Variants in PDZD2 observed in about 807,000 individuals in gnomAD.
PDZD2 encodes the protein PDZ domain containing 2, also known as PDZ domain-containing protein 2.
In PDZD2, 90 loss-of-function variants were observed where a neutral mutation model predicts 220.7. That is an observed-to-expected ratio of 0.41 (90% CI 0.34 to 0.49). PDZD2 has a LOEUF of 0.49. PDZD2 is among the 20% of genes least tolerant of loss of function. The probability of loss-of-function intolerance (pLI) is 0.28; values close to 1 mark genes in which losing one functional copy is unlikely to be tolerated. For synonymous variants in PDZD2, 1,375 were observed against 1,450.5 expected, an observed-to-expected ratio of 0.95 and a Z score of 1.18; for missense variants, 3,174 against 3,608.5, an observed-to-expected ratio of 0.88 and a Z score of 3.08.
chr5:31,983,158 C>T lies in PDZD2; in HGVS notation c.480C>T (p.Tyr160=), dbSNP rs776862424. Residue 160 remains tyrosine, a synonymous_variant, in exon 3 of 25, where the codon TAC becomes TAT. Transcript: ENST00000438447. Reference sequence around the variant, plus strand: ...GGCACCTCTCTGTCTGTTGCAGTTACCTGGCTGAGCAGTGCTGGAATGGCG... The same window carrying T: ...GGCACCTCTCTGTCTGTTGCAGTTATCTGGCTGAGCAGTGCTGGAATGGCG... ...MVGVDVSGAS[Y]LAEQCWNGGF... 6.2e-7 allele frequency: 1 copy of T among 1,610,878 alleles called. No homozygotes were observed. Among genetic ancestry groups the T allele is most frequent in the Non-Finnish European group, 8.5e-7 (1 of 1,177,976 alleles).
chr5:31,928,960 T>G (rs1051350819), intron 2 of PDZD2, among the ~76,000 whole-genome samples: 2 of 152,042 alleles, frequency 1.3e-5, no homozygotes, highest in African/African-American at 4.8e-5. Flanking sequence ...TCCATTTACT[T>G]ACTAGAACTT....
chr5:32,064,512 G>A (rs1191181049), intron 14 of PDZD2, among the ~76,000 whole-genome samples: 1 of 151,818 alleles, frequency 6.6e-6, no homozygotes, highest in Non-Finnish European at 1.5e-5. Flanking sequence ...CAAAGTGCTG[G>A]GATTACTAGC....
intron 1 of PDZD2, among the ~76,000 whole-genome samples, chr5:31,672,188 G>A (rs1277372292): frequency 6.6e-6 from 1 of 152,176 alleles, no homozygotes; most frequent in Non-Finnish European, 1.5e-5. Context: ...CTGGAATACT[G>A]CTTCTCAGAC....
At chr5:31,648,871 A>T (rs1745232279) in intron 1 of PDZD2, among the ~76,000 whole-genome samples, 1 of 152,082 alleles carries the variant, frequency 6.6e-6, no homozygotes, top group Non-Finnish European at 1.5e-5. Flanking sequence ...AGTTTACCTT[A>T]GGGGTTCACT....
At chr5:31,838,968 A>G (rs11956685) in intron 2 of PDZD2, among the ~76,000 whole-genome samples, 57,841 of 152,032 alleles carry the variant, frequency 0.38, 11,585 homozygotes, top group Non-Finnish European at 0.42. Flanking sequence ...CCCATGTGGC[A>G]TCTCAGCACG....
At chr5:31,869,021 C>CTTCGGCCTCCCAAAG (rs1738494525) in intron 2 of PDZD2, among the ~76,000 whole-genome samples, 1 of 152,178 alleles carries the variant, frequency 6.6e-6, no homozygotes, top group Non-Finnish European at 1.5e-5. Flanking sequence ...GATCTGCCTG[C>CTTCGGCCTCCCAAAG]TTCGGCCTCC....
At chr5:32,070,414 C>T (rs1307566346) in intron 15 of PDZD2, among the ~76,000 whole-genome samples, 1 of 152,162 alleles carries the variant, frequency 6.6e-6, no homozygotes, top group Admixed American at 6.5e-5. Flanking sequence ...TCAACCAGTT[C>T]ATCATCCCGA....
intron 1 of PDZD2, among the ~76,000 whole-genome samples, chr5:31,649,383 A>G (rs365069): frequency 0.99 from 150,456 of 151,356 alleles, 74,795 homozygotes; most frequent in Middle Eastern, 1. Context: ...CCCATATCAG[A>G]GCTCTTTTTC....
chr5:31,859,380 C>T (rs1041645471), intron 2 of PDZD2, among the ~76,000 whole-genome samples: 3 of 152,112 alleles, frequency 2.0e-5, no homozygotes, highest in Non-Finnish European at 4.4e-5. Flanking sequence ...TACTTTCTAT[C>T]TCCTTTTAAA....
At chr5:31,729,706 T>C (rs931441371) in intron 1 of PDZD2, among the ~76,000 whole-genome samples, 1 of 152,248 alleles carries the variant, frequency 6.6e-6, no homozygotes, top group African/African-American at 2.4e-5. Context: ...TGTATCTGTT[T>C]ATGATATACA....
chr5:31,725,338 CAA>C (rs1215709111), intron 1 of PDZD2, among the ~76,000 whole-genome samples: 26 of 67,344 alleles, frequency 3.9e-4, no homozygotes, highest in African/African-American at 5.2e-4. Flanking sequence ...AACTCCATCT[CAA>C]AAAAAAAAAA....
chr5:31,887,939 G>A (rs1004041289), intron 2 of PDZD2, among the ~76,000 whole-genome samples: 3 of 152,112 alleles, frequency 2.0e-5, no homozygotes, highest in Admixed American at 6.6e-5. Flanking sequence ...AGTCGGGGAG[G>A]GAGTGGGAGT....
At chr5:31,869,417 G>A (rs1738541739) in intron 2 of PDZD2, among the ~76,000 whole-genome samples, 4 of 152,136 alleles carry the variant, frequency 2.6e-5, no homozygotes, top group East Asian at 1.9e-4. Flanking sequence ...ACAAAAATTA[G>A]CCGGGCGTGG....
chr5:31,909,796 C>T (rs1216166571), intron 2 of PDZD2, among the ~76,000 whole-genome samples: 2 of 152,056 alleles, frequency 1.3e-5, no homozygotes, highest in African/African-American at 4.8e-5. Context: ...TTCAAATAAT[C>T]AGAGCCAAAT....
chr5:31,909,545 C>T (rs972600324), intron 2 of PDZD2, among the ~76,000 whole-genome samples: 2 of 151,956 alleles, frequency 1.3e-5, no homozygotes, highest in Admixed American at 6.6e-5. Context: ...ATATAAACCC[C>T]ATACATAATA....
chr5:31,962,325 C>G (rs901032240), intron 2 of PDZD2, among the ~76,000 whole-genome samples: 12 of 152,140 alleles, frequency 7.9e-5, no homozygotes, highest in Non-Finnish European at 1.3e-4. Flanking sequence ...ACCTGGAGGC[C>G]GTCCCTTTTG....
At chr5:31,811,718 G>T (rs531031612) in intron 2 of PDZD2, among the ~76,000 whole-genome samples, 5 of 152,120 alleles carry the variant, frequency 3.3e-5, no homozygotes, top group Admixed American at 3.3e-4. Context: ...AGCCAGGCAG[G>T]GTGGCTCATG....
At chr5:32,049,844 C>T (rs1406831647) in intron 8 of PDZD2, among the ~76,000 whole-genome samples, 1 of 152,150 alleles carries the variant, frequency 6.6e-6, no homozygotes, top group African/African-American at 2.4e-5. Context: ...CAAACTTGTC[C>T]AGGCCCAGGA....
chr5:31,930,196 CTTTTTTT>C (rs760145512), intron 2 of PDZD2, among the ~76,000 whole-genome samples: 4 of 102,536 alleles, frequency 3.9e-5, no homozygotes, highest in African/African-American at 7.9e-5. Flanking sequence ...CTCAGGTATT[CTTTTTTT>C]TTTTTTTTTT....
Sources: allele counts gnomAD v4.1 joint callset (sites outside exome capture counted in the v4.1 genomes callset), GRCh38; gene constraint gnomAD v4.1.1; transcripts MANE v1.5; gene names NCBI Gene and HGNC (gene_info 2026-07-23, HGNC 2026-07-21).